FEZF2: variants seen among roughly 807,000 people sequenced by gnomAD.
FEZF2 encodes the protein FEZ family zinc finger 2, also known as fez family zinc finger protein 2.
Under a neutral mutation model 32.8 loss-of-function variants are expected in FEZF2, and 2 were observed. The observed-to-expected ratio is 0.06, with a 90% CI of 0.02 to 0.19. The LOEUF (loss-of-function observed/expected upper bound fraction) is 0.19, where lower values mean the gene tolerates loss of function less well. Among genes scored for constraint, FEZF2 ranks in the 10% least tolerant of loss-of-function variants. FEZF2 has a pLI of 1.00. For synonymous variants in FEZF2, 322 were observed against 284.8 expected, an observed-to-expected ratio of 1.13 and a Z score of -1.32; for missense variants, 516 against 625.4, an observed-to-expected ratio of 0.83 and a Z score of 1.87.
chr3:62,371,990 C>A (rs753968908), intron 2 of FEZF2, 27 bp downstream of exon 2: 1 of 1,591,474 alleles, frequency 6.3e-7, no homozygotes, highest in South Asian at 1.1e-5. Flanking sequence ...CCCCTCCCGG[C>A]CCCCCTCGCC....
chr3:62,371,147 T>A, intron 4 of FEZF2, 70 bp downstream of exon 4: 1 of 1,611,564 alleles, frequency 6.2e-7, no homozygotes, highest in Non-Finnish European at 8.5e-7. Flanking sequence ...CCTCTTTGCC[T>A]TCCTGCCAGC....
At position 62,371,360 on chromosome 3, in the gene FEZF2, G is replaced by A; in HGVS notation, c.988-11C>T. 2 of 1,612,620 alleles carry A rather than the reference G, an allele frequency of 1.2e-6. No homozygotes were observed. The highest frequency in any genetic ancestry group is 1.7e-6 in the Non-Finnish European group (2 of 1,179,130). ...TTTATGTGGCTTTTCCTGAGGAAAG[G>A]GGCGAGTGCACAGTAAGGAGAGGCC... On this transcript the variant is annotated splice_polypyrimidine_tract_variant and intron_variant, in intron 3 of 4. Transcript: ENST00000283268.
rs1007838788 is a variant in FEZF2 at position 62,370,544 on chromosome 3, C to A, written c.1121-202G>T. ...TCTCCCGACAAGACCGAGACTGAGT[C>A]CCGCGGAGCCGCTCTGCGCTCCTGC... On this transcript the variant is annotated intron_variant, in intron 4 of 4. Coordinates refer to ENST00000283268, the MANE Select transcript of FEZF2 (RefSeq NM_018008.4). This position sits in a 1 kb window ranked among gnomAD's most constrained non-coding sequence, Gnocchi z 4.2. Among the ~76,000 whole-genome samples, 3 of 152,218 alleles carry A rather than the reference C, an allele frequency of 2.0e-5. No individual in the cohort carries two copies.
intron 3 of FEZF2, 72 bp from the exon 4 acceptor site, chr3:62,371,421 C>A: frequency 1.3e-6 from 2 of 1,584,266 alleles, no homozygotes; most frequent in Non-Finnish European, 1.7e-6. Flanking sequence ...TCCCCCCCAC[C>A]CCCACTCAAC....
At position 62,371,418 on chromosome 3, in the gene FEZF2, C is replaced by G. The variant is rs565017569; in HGVS notation, c.988-69G>C. 9 of 1,585,708 alleles carry G rather than the reference C, an allele frequency of 5.7e-6. 1 individual carries two copies. In the East Asian group the frequency reaches 1.3e-4, roughly 24 times the overall value. On this transcript the variant is annotated intron_variant, in intron 3 of 4. Coordinates refer to ENST00000283268, the MANE Select transcript of FEZF2 (RefSeq NM_018008.4). Reference sequence around the variant, plus strand: ...GAACACCTGGAAGGGACATCCCCCCCACCCCCACTCAACCCTAGAGGGTAA... The same window carrying G: ...GAACACCTGGAAGGGACATCCCCCCGACCCCCACTCAACCCTAGAGGGTAA...
rs926332305 is a variant in FEZF2, at chr3:62,372,990, C to G, written c.-58-64G>C. On this transcript the variant is annotated intron_variant, in intron 1 of 4. Coordinates refer to ENST00000283268, the MANE Select transcript of FEZF2 (RefSeq NM_018008.4). The surrounding 1 kb of genome is among the most constrained non-coding windows in gnomAD (Gnocchi z 9.6). Reference sequence around the variant, plus strand: ...AATAAGCACCTAGTCGGGCCCGGGTCACCCATTTGCATTCAAATGAACAGG... The same window carrying G: ...AATAAGCACCTAGTCGGGCCCGGGTGACCCATTTGCATTCAAATGAACAGG... 1 of 967,688 alleles carries G rather than the reference C, an allele frequency of 1.0e-6. No homozygotes were observed. Among genetic ancestry groups the G allele is most frequent in the Non-Finnish European group, 1.4e-6 (1 of 724,052 alleles). The allele number at this position is 967,688 out of a possible 1,614,324, so 59.9% of individuals were successfully genotyped here.
intron 4 of FEZF2, 68 bp downstream of exon 4, chr3:62,371,149 C>A: frequency 3.1e-6 from 5 of 1,611,858 alleles, no homozygotes; most frequent in Non-Finnish European, 2.5e-6. Flanking sequence ...TCTTTGCCTT[C>A]CTGCCAGCCA....
In FEZF2 at chr3:62,371,364, G is replaced by A. The variant is rs1704265897; in HGVS notation, c.988-15C>T. 3 of 1,611,896 alleles carry A rather than the reference G, an allele frequency of 1.9e-6. No homozygotes were observed. Among genetic ancestry groups the A allele is most frequent in the African/African-American group, 1.3e-5 (1 of 74,892 alleles). On this transcript the variant is annotated splice_polypyrimidine_tract_variant and intron_variant, in intron 3 of 4. Transcript: ENST00000283268. ...TGTGGCTTTTCCTGAGGAAAGGGGC[G>A]AGTGCACAGTAAGGAGAGGCCACCT... is the stretch of plus-strand genomic sequence containing the variant.
At chr3:62,371,424 C>T (rs2148945351) in intron 3 of FEZF2, 75 bp from the exon 4 acceptor site, 1 of 1,584,560 alleles carries the variant, frequency 6.3e-7, no homozygotes, top group African/African-American at 1.3e-5. Context: ...CCCCCACCCC[C>T]ACTCAACCCT....
rs773528969 is a variant in FEZF2 at position 62,370,308 on chromosome 3, G to C, written c.1155C>G (p.Gly385=). 7 of 1,614,198 alleles carry C rather than the reference G, an allele frequency of 4.3e-6. No homozygotes were observed. The South Asian group carries it at 7.7e-5, about 18-fold the overall frequency. The change falls in exon 5 of 5, where the codon GGC becomes GGG. Residue 385 remains glycine (G), a synonymous_variant. Transcript: ENST00000283268. This position sits in a 1 kb window ranked among gnomAD's most constrained non-coding sequence, Gnocchi z 4.2. ...NYKNHKLTHS[G]EKQYKCTICN... Reference sequence around the variant, plus strand: ...AGATGGTACATTTGTACTGCTTCTCGCCGCTGTGGGTCAGCTTGTGGTTCT... The same window carrying C: ...AGATGGTACATTTGTACTGCTTCTCCCCGCTGTGGGTCAGCTTGTGGTTCT...
Position 62,370,362 on chromosome 3 carries a change from A to C in FEZF2, c.1121-20T>G. 1 of 1,611,682 alleles carries C rather than the reference A, an allele frequency of 6.2e-7. No homozygotes were observed. On this transcript the variant is annotated intron_variant, in intron 4 of 4. Coordinates refer to ENST00000283268, the MANE Select transcript of FEZF2 (RefSeq NM_018008.4). The surrounding 1 kb of genome is among the most constrained non-coding windows in gnomAD (Gnocchi z 4.2). Reference sequence around the variant, plus strand: ...AGTTCCCTACAACAGATCAAGAACAAAAAACGTGGGGGTATGGAGTAGAAT... The same window carrying C: ...AGTTCCCTACAACAGATCAAGAACACAAAACGTGGGGGTATGGAGTAGAAT...
chr3:62,372,200 C>T lies in FEZF2; in HGVS notation c.669G>A (p.Ala223=), dbSNP rs370651219. 23 of 1,576,876 alleles carry T rather than the reference C, an allele frequency of 1.5e-5. No homozygotes were observed. The African/African-American group carries it at 2.4e-4, about 17-fold the overall frequency. ...LENAKLAGLA[A]DKFPHPAPYP... is the part of the protein sequence containing the mutation. ...AGGGAGCCGGGTGGGGGAACTTGTC[C>T]GCAGCCAGGCCGGCCAGCTTGGCGT... The change falls in exon 2 of 5, where the codon GCG becomes GCA. Residue 223 remains alanine (A), a synonymous_variant. Coordinates refer to ENST00000283268, the MANE Select transcript of FEZF2 (RefSeq NM_018008.4). This position sits in a 1 kb window ranked among gnomAD's most constrained non-coding sequence, Gnocchi z 9.6.
rs759229097 is a variant in FEZF2, at chr3:62,372,147, GGCGCCGGCAAGC to G, written c.710_721del (p.Arg237_Ala240del). ...GTTTTCCTTCAGTACCTGCTCCAGC[GGCGCCGGCAAGC>G]GCTCCTTATGGGGATAGGGAGCCGG... is the stretch of plus-strand genomic sequence containing the variant. On this transcript the variant is annotated inframe_deletion, in exon 2 of 5. Coordinates refer to ENST00000283268, the MANE Select transcript of FEZF2 (RefSeq NM_018008.4). This position sits in a 1 kb window ranked among gnomAD's most constrained non-coding sequence, Gnocchi z 9.6. 949 of 1,593,938 alleles carry G rather than the reference GGCGCCGGCAAGC, an allele frequency of 6.0e-4. No homozygotes were observed. The highest frequency in any genetic ancestry group is 7.7e-4 in the Non-Finnish European group (901 of 1,170,456).
At position 62,372,020 on chromosome 3, in the gene FEZF2, G is replaced by T; in HGVS notation, c.849C>A (p.Gly283=). ...CTCGCCGAACCCTGGGCCTCACCTT[G>T]CCGCACACCTCGCAGGTGAAGTTTT... ...KPKNFTCEVC[G]KVFNAHYNLT... is the part of the protein sequence containing the mutation. The change falls in exon 2 of 5, where the codon GGC becomes GGA. Residue 283 remains glycine, a synonymous_variant. Coordinates refer to ENST00000283268, the MANE Select transcript of FEZF2 (RefSeq NM_018008.4). The surrounding 1 kb of genome is among the most constrained non-coding windows in gnomAD (Gnocchi z 9.6). 2 of 1,603,918 alleles carry T rather than the reference G, an allele frequency of 1.2e-6. No homozygotes were observed. Among genetic ancestry groups the T allele is most frequent in the Non-Finnish European group, 1.7e-6 (2 of 1,179,334 alleles).
At position 62,372,586 on chromosome 3, in the gene FEZF2, A is replaced by G; in HGVS notation, c.283T>C (p.Trp95Arg). The G allele has an allele frequency of 1.4e-6, 2 of 1,414,226 alleles. No homozygotes were observed. Among genetic ancestry groups the G allele is most frequent in the South Asian group, 2.0e-5 (1 of 48,986 alleles). 87.6% of individuals were successfully genotyped at this position (1,414,226 alleles called of 1,614,324 possible). Residue 95 changes from tryptophan to arginine, a missense_variant, in exon 2 of 5, where the codon TGG becomes CGG. Trp to Arg is a moderately radical substitution (Grantham distance 101). Around this residue, in one of 3 missense-constraint regions of FEZF2, gnomAD observed 408 missense variants for 382.2 expected, o/e 1.07. Transcript: ENST00000283268. This position sits in a 1 kb window ranked among gnomAD's most constrained non-coding sequence, Gnocchi z 9.6. ...CCGCCCGCCCGGAGGCTGCTTTTCCAGAGCTCCGAGTAACTGAGCAGTGTC... is the reference window on the plus strand; with the variant it reads ...CCGCCCGCCCGGAGGCTGCTTTTCCGGAGCTCCGAGTAACTGAGCAGTGTC... ...SKTLLSYSEL[W>R]KSSLRAGGGG...
chr3:62,372,325 G>A lies in FEZF2; in HGVS notation c.544C>T (p.Pro182Ser). The A allele has an allele frequency of 1.9e-6, 3 of 1,609,992 alleles. No homozygotes were observed. The highest frequency in any genetic ancestry group is 2.5e-6 in the Non-Finnish European group (3 of 1,179,332). Residue 182 changes from proline (P) to serine (S), a missense_variant, in exon 2 of 5, where the codon CCG becomes TCG. This residue lies in a region of FEZF2 where 408 missense variants were observed against 382.2 expected (regional missense o/e 1.07). Transcript: ENST00000283268. The surrounding 1 kb of genome is among the most constrained non-coding windows in gnomAD (Gnocchi z 9.6). ...AGGTGGCCGCTGAGGAGCTCAGACG[G>A]CGGGTACGCGGTCGAGTCCAGGTAG... is the stretch of plus-strand genomic sequence containing the variant. ...FNYLDSTAYPPSELLSGHLFP... is the reference protein window; with the variant it reads ...FNYLDSTAYPSSELLSGHLFP...
chr3:62,371,436 G>C (rs1704267596), intron 3 of FEZF2, 87 bp from the exon 4 acceptor site: 5 of 1,577,626 alleles, frequency 3.2e-6, no homozygotes. Context: ...CTCAACCCTA[G>C]AGGGTAAGGG....
rs1484278879 is a variant in FEZF2, at chr3:62,370,788, T to C, written c.1120+429A>G. ...CAACTACCAACTGAAGATCCAAAAG[T>C]GCCTTGGAAAATCCGATCCAGGGGC... On this transcript the variant is annotated intron_variant, in intron 4 of 4. Coordinates refer to ENST00000283268, the MANE Select transcript of FEZF2 (RefSeq NM_018008.4). This position sits in a 1 kb window ranked among gnomAD's most constrained non-coding sequence, Gnocchi z 4.2. Among the ~76,000 whole-genome samples the C allele has an allele frequency of 6.6e-6, 1 of 152,192 alleles. No homozygotes were observed. The highest frequency in any genetic ancestry group is 6.5e-5 in the Admixed American group (1 of 15,278).
Position 62,372,114 on chromosome 3 carries a change from A to T in FEZF2, c.755T>A (p.Leu252Gln). ...LEQVLKENSA[L>Q]TAERGGVKGH... is the part of the protein sequence containing the mutation. ...CTTGACGCCTCCGCGCTCGGCAGTCAGGGCCGAGTTTTCCTTCAGTACCTG... is the reference window on the plus strand; with the variant it reads ...CTTGACGCCTCCGCGCTCGGCAGTCTGGGCCGAGTTTTCCTTCAGTACCTG... Residue 252 changes from leucine (L) to glutamine (Q), a missense_variant, in exon 2 of 5, where the codon CTG becomes CAG. By Grantham distance (113) the Leu-to-Gln change is moderately radical. Around this residue, in one of 3 missense-constraint regions of FEZF2, gnomAD observed 408 missense variants for 382.2 expected, o/e 1.07. Transcript: ENST00000283268. This position sits in a 1 kb window ranked among gnomAD's most constrained non-coding sequence, Gnocchi z 9.6. The T allele has an allele frequency of 6.2e-7, 1 of 1,602,742 alleles. No homozygotes were observed.
Sources: allele counts gnomAD v4.1 joint callset (sites outside exome capture counted in the v4.1 genomes callset), GRCh38; gene constraint gnomAD v4.1.1; regional missense constraint gnomAD v4.1.1; non-coding constraint Gnocchi (gnomAD v3.1); transcripts MANE v1.5; gene names NCBI Gene and HGNC (gene_info 2026-07-23, HGNC 2026-07-21).